The following HTR2A variants were observed in gnomAD, a reference collection of about 807,000 sequenced individuals.
The protein encoded by HTR2A is 5-hydroxytryptamine receptor 2A, also known as 5-HT2 receptor.
A neutral mutation model predicts 31.0 loss-of-function variants in HTR2A; 14 were observed. That is an observed-to-expected ratio of 0.45 (90% CI 0.30 to 0.71). The LOEUF is 0.71. Ranked by LOEUF, HTR2A falls within the 30% of genes least tolerant of loss-of-function variation. HTR2A has a pLI of 0.09. For missense variants in HTR2A, 442 were observed against 573.3 expected (o/e 0.77, Z 2.34); for synonymous variants, 209 against 225.2 (o/e 0.93, Z 0.64).
At chr13:46,859,745 C>T (rs986255466) in intron 3 of HTR2A, among the ~76,000 whole-genome samples, 1 of 152,134 alleles carries the variant, frequency 6.6e-6, no homozygotes, top group Non-Finnish European at 1.5e-5. Context: ...GCCTGCAGAA[C>T]CGTGAGCCGA....
At chr13:46,894,009 G>C (rs1248315218) in intron 2 of HTR2A, among the ~76,000 whole-genome samples, 2 of 152,244 alleles carry the variant, frequency 1.3e-5, no homozygotes, top group Non-Finnish European at 2.9e-5. Flanking sequence ...GCGCCTTATG[G>C]GGGAAGCCAC....
chr13:46,860,092 C>T (rs948602197), intron 3 of HTR2A, among the ~76,000 whole-genome samples: 3 of 152,094 alleles, frequency 2.0e-5, no homozygotes, highest in Middle Eastern at 3.2e-3. Flanking sequence ...TTGCCCTTTT[C>T]GAGGAATTCT....
At chr13:46,866,675 A>G (rs1404566810) in intron 3 of HTR2A, among the ~76,000 whole-genome samples, 1 of 152,224 alleles carries the variant, frequency 6.6e-6, no homozygotes. Context: ...TGGAATTTAC[A>G]TTTTCAGCAA....
chr13:46,894,163 C>T (rs1392173914), intron 2 of HTR2A, among the ~76,000 whole-genome samples: 1 of 152,158 alleles, frequency 6.6e-6, no homozygotes, highest in Non-Finnish European at 1.5e-5. Context: ...GCCCCGTGGG[C>T]TGGGGGAGGC....
Position 46,831,735 on chromosome 13 carries a change from T to A in HTR2A, c.*3102A>T, listed in dbSNP as rs1203096801. On this transcript the variant is annotated 3_prime_UTR_variant, in exon 4 of 4. Coordinates refer to ENST00000542664, the MANE Select transcript of HTR2A (RefSeq NM_000621.5). ...GAGGAGCACCCTTTGCTGAAAGCAG[T>A]ACAGTGACTTAGTTCAATTTGGCTA... is the stretch of plus-strand genomic sequence containing the variant. 6.6e-6 allele frequency: 1 copy of A among 152,250 alleles called. No homozygotes were observed. Among genetic ancestry groups the A allele is most frequent in the Non-Finnish European group, 1.5e-5 (1 of 68,044 alleles). 9.4% of individuals were successfully genotyped at this position (152,250 alleles called of 1,614,324 possible). A position where few individuals can be genotyped will look rare whatever the true frequency, so the allele number is the denominator to read the frequency against.
Position 46,863,657 on chromosome 13 carries a change from A to AAAAAAAAAAG in HTR2A, c.614-28019_614-28018insCTTTTTTTTT, listed in dbSNP as rs1566309853. 4.8e-4 allele frequency among the ~76,000 whole-genome samples: 57 copies of AAAAAAAAAAG among 118,220 alleles called. 1 individual carries two copies. Among genetic ancestry groups the AAAAAAAAAAG allele is most frequent in the Middle Eastern group, 4.5e-3 (1 of 224 alleles). 77.6% of individuals were successfully genotyped at this position (118,220 alleles called of 152,430 possible). Reference sequence around the variant, plus strand: ...AAAAAAAAAAAAAAAAAAGAAAAAAAAAAAAGACAGTCATATGAAAAAAGC... The same window carrying AAAAAAAAAAG: ...AAAAAAAAAAAAAAAAAAGAAAAAAAAAAAAAAAAGAAAAAGACAGTCATATGAAAAAAGC... On this transcript the variant is annotated intron_variant, in intron 3 of 3. Transcript: ENST00000542664.
At chr13:46,878,926 G>A (rs1362334182) in intron 3 of HTR2A, among the ~76,000 whole-genome samples, 2 of 152,214 alleles carry the variant, frequency 1.3e-5, no homozygotes, top group African/African-American at 4.8e-5. Flanking sequence ...CATTTTATTA[G>A]TGTTTTTTAA....
At chr13:46,880,233 G>A (rs1440339469) in intron 3 of HTR2A, among the ~76,000 whole-genome samples, 1 of 152,126 alleles carries the variant, frequency 6.6e-6, no homozygotes, top group Non-Finnish European at 1.5e-5. Context: ...AGGACACAGA[G>A]GATGCTGGTG....
intron 1 of HTR2A, 62 bp downstream of exon 1, chr13:46,896,612 G>T: frequency 8.1e-7 from 1 of 1,229,544 alleles, no homozygotes; most frequent in Non-Finnish European, 1.1e-6. Flanking sequence ...TGTTGGCCAA[G>T]CATGATTTCA....
Position 46,896,883 on chromosome 13 carries a change from T to G in HTR2A, c.-538A>C. The G allele has an allele frequency of 6.6e-7, 1 of 1,509,280 alleles. No individual in the cohort carries two copies. The highest frequency in any genetic ancestry group is 8.9e-7 in the Non-Finnish European group (1 of 1,125,992). 93.5% of individuals were successfully genotyped at this position (1,509,280 alleles called of 1,614,324 possible). On this transcript the variant is annotated 5_prime_UTR_variant, in exon 1 of 4. Coordinates refer to ENST00000542664, the MANE Select transcript of HTR2A (RefSeq NM_000621.5). ...CTGCTAGGATCCTGTTGGCTTCCTC[T>G]GGCACGGCTCGGCTGGGTTCCTCCC...
chr13:46,885,994 A>G (rs191183510), intron 3 of HTR2A, among the ~76,000 whole-genome samples: 5 of 152,320 alleles, frequency 3.3e-5, no homozygotes, highest in African/African-American at 1.2e-4. Context: ...TGGTCTGCCA[A>G]TCATATACAT....
chr13:46,862,645 G>A (rs933944818), intron 3 of HTR2A, among the ~76,000 whole-genome samples: 4 of 152,152 alleles, frequency 2.6e-5, no homozygotes, highest in Non-Finnish European at 4.4e-5. Flanking sequence ...AGTGGCTTCC[G>A]CTAAGTGAAC....
At chr13:46,859,701 A>C (rs1950765973) in intron 3 of HTR2A, among the ~76,000 whole-genome samples, 1 of 152,102 alleles carries the variant, frequency 6.6e-6, no homozygotes, top group Non-Finnish European at 1.5e-5. Context: ...AAGTTTCCCG[A>C]GGCCTCCCCA....
chr13:46,881,759 A>G (rs759043218), intron 3 of HTR2A, among the ~76,000 whole-genome samples: 1 of 152,194 alleles, frequency 6.6e-6, no homozygotes, highest in African/African-American at 2.4e-5. Flanking sequence ...GGAGGGTCCC[A>G]GGAGAGACAA....
At chr13:46,868,193 A>G (rs138800937) in intron 3 of HTR2A, among the ~76,000 whole-genome samples, 219 of 152,334 alleles carry the variant, frequency 1.4e-3, no homozygotes, top group African/African-American at 5.0e-3. Flanking sequence ...AGCACATAAC[A>G]TTTAAATAAT....
rs1370292478 is a variant in HTR2A, at chr13:46,895,062, CTG to C, written c.412+431_412+432del. Among the ~76,000 whole-genome samples, 7 of 152,156 alleles carry C rather than the reference CTG, an allele frequency of 4.6e-5. No individual in the cohort carries two copies. The South Asian group carries it at 1.2e-3, about 27-fold the overall frequency. ...ATCACTCCATTAAAAGTGCTGAAAA[CTG>C]TGTGACAAAGATTAAAACTGTTCTG... On this transcript the variant is annotated intron_variant, in intron 2 of 3. Coordinates refer to ENST00000542664, the MANE Select transcript of HTR2A (RefSeq NM_000621.5). This position sits in a 1 kb window ranked among gnomAD's most constrained non-coding sequence, Gnocchi z 4.4.
intron 3 of HTR2A, among the ~76,000 whole-genome samples, chr13:46,864,639 A>T (rs1232997289): frequency 6.6e-6 from 1 of 152,176 alleles, no homozygotes; most frequent in African/African-American, 2.4e-5. Flanking sequence ...TGTCATTAAG[A>T]TATGAGAAGT....
chr13:46,895,414 G>A lies in HTR2A; in HGVS notation c.412+81C>T. 2 of 1,301,586 alleles carry A rather than the reference G, an allele frequency of 1.5e-6. No homozygotes were observed. The highest frequency in any genetic ancestry group is 1.1e-6 in the Non-Finnish European group (1 of 937,662). 80.6% of individuals were successfully genotyped at this position (1,301,586 alleles called of 1,614,324 possible). A position where few individuals can be genotyped will look rare whatever the true frequency, so the allele number is the denominator to read the frequency against. On this transcript the variant is annotated intron_variant, in intron 2 of 3. Transcript: ENST00000542664. The surrounding 1 kb of genome is among the most constrained non-coding windows in gnomAD (Gnocchi z 4.4). The stretch of plus-strand genomic sequence containing the variant: ...TCTATTTATAGTTTGTTTGCCCCCT[G>A]AGCCCCATCTCATCTGCTGGTGGCA...
intron 3 of HTR2A, among the ~76,000 whole-genome samples, chr13:46,866,392 C>T (rs1832415812): frequency 6.6e-6 from 1 of 152,168 alleles, no homozygotes; most frequent in Non-Finnish European, 1.5e-5. Context: ...CTATCCTGTA[C>T]TGCCTGAGGG....
Sources: allele counts gnomAD v4.1 joint callset (sites outside exome capture counted in the v4.1 genomes callset), GRCh38; gene constraint gnomAD v4.1.1; non-coding constraint Gnocchi (gnomAD v3.1); transcripts MANE v1.5; gene names NCBI Gene and HGNC (gene_info 2026-07-23, HGNC 2026-07-21).